FBXO28: variants seen among roughly 807,000 people sequenced by gnomAD.
The protein encoded by FBXO28 is F-box only protein 28.
Under a neutral mutation model 38.1 loss-of-function variants are expected in FBXO28, and 8 were observed. That is an observed-to-expected ratio of 0.21 (90% CI 0.12 to 0.38). The LOEUF is 0.38. Ranked by LOEUF, FBXO28 falls within the 10% of genes least tolerant of loss-of-function variation. The pLI, the probability that FBXO28 is intolerant of heterozygous loss-of-function variation, is 1.00. For missense variants in FBXO28, 345 were observed against 460.6 expected (o/e 0.75, Z 2.30); for synonymous variants, 168 against 173.8 (o/e 0.97, Z 0.26).
rs1211722417 is a variant in FBXO28 at position 224,158,418 on chromosome 1, A to C, written c.*672A>C. On this transcript the variant is annotated 3_prime_UTR_variant, in exon 5 of 5. Coordinates refer to ENST00000366862, the MANE Select transcript of FBXO28 (RefSeq NM_015176.4). ...GTCCTACATTTGCATGGATGGATGCATGCATTGCCTAGTCAACTCACTTAA... is the reference window on the plus strand; with the variant it reads ...GTCCTACATTTGCATGGATGGATGCCTGCATTGCCTAGTCAACTCACTTAA... 1 of 166,450 alleles carries C rather than the reference A, an allele frequency of 6.0e-6. No individual in the cohort carries two copies. Among genetic ancestry groups the C allele is most frequent in the African/African-American group, 2.4e-5 (1 of 41,688 alleles). 10.3% of individuals were successfully genotyped at this position (166,450 alleles called of 1,614,324 possible). A position where few individuals can be genotyped will look rare whatever the true frequency, so the allele number is the denominator to read the frequency against.
At chr1:224,125,642 C>T (rs949293998) in intron 1 of FBXO28, among the ~76,000 whole-genome samples, 2 of 140,718 alleles carry the variant, frequency 1.4e-5, no homozygotes, top group South Asian at 2.2e-4. Context: ...TACTCATTCT[C>T]TTTTTTTTTT....
At chr1:224,124,810 A>T (rs1012334398) in intron 1 of FBXO28, among the ~76,000 whole-genome samples, 3 of 151,956 alleles carry the variant, frequency 2.0e-5, no homozygotes, top group African/African-American at 4.8e-5. Flanking sequence ...GCTCACTGCA[A>T]CCTTCACCTC....
intron 3 of FBXO28, among the ~76,000 whole-genome samples, chr1:224,139,196 T>A (rs770772733): frequency 1.3e-5 from 2 of 151,818 alleles, no homozygotes; most frequent in Admixed American, 6.6e-5. Flanking sequence ...CATAAGGCCA[T>A]GAAGCTATAT....
chr1:224,121,951 T>G (rs1035491363), intron 1 of FBXO28, among the ~76,000 whole-genome samples: 2 of 152,128 alleles, frequency 1.3e-5, no homozygotes, highest in African/African-American at 4.8e-5. Flanking sequence ...AATGTTTGTA[T>G]TTTTGGTAGA....
intron 3 of FBXO28, among the ~76,000 whole-genome samples, chr1:224,139,938 T>C (rs1657305304): frequency 6.6e-6 from 1 of 151,502 alleles, no homozygotes; most frequent in African/African-American, 2.4e-5. Context: ...AAAAAAAAAA[T>C]TAATTAGCTG....
At position 224,148,963 on chromosome 1, in the gene FBXO28, T is replaced by C. The variant is rs61826375; in HGVS notation, c.517-4179T>C. Among the ~76,000 whole-genome samples, 434 of 152,348 alleles carry C rather than the reference T, an allele frequency of 2.8e-3. 1 individual carries two copies. Among genetic ancestry groups the C allele is most frequent in the Non-Finnish European group, 5.1e-3 (350 of 68,026 alleles). On this transcript the variant is annotated intron_variant, in intron 3 of 4. Transcript: ENST00000366862. ...CTTATACATTGAACTTATTACAGTC[T>C]GAGTTTTGCTTTGCTGTTTATGGGT...
At chr1:224,131,512 T>G (rs901372693) in intron 2 of FBXO28, among the ~76,000 whole-genome samples, 1 of 152,208 alleles carries the variant, frequency 6.6e-6, no homozygotes, top group African/African-American at 2.4e-5. Context: ...GTCTGGATAA[T>G]AAACCTTATA....
At chr1:224,137,853 C>T (rs1220800234) in intron 3 of FBXO28, among the ~76,000 whole-genome samples, 1 of 151,764 alleles carries the variant, frequency 6.6e-6, no homozygotes, top group African/African-American at 2.4e-5. Context: ...TAGATCATTG[C>T]CCTTCTACTC....
intron 3 of FBXO28, among the ~76,000 whole-genome samples, chr1:224,144,462 A>C (rs1401549928): frequency 6.6e-6 from 1 of 151,906 alleles, no homozygotes; most frequent in Admixed American, 6.6e-5. Context: ...ACCCTGTCTC[A>C]AAAAAAAACA....
At chr1:224,135,821 G>A (rs1657169386) in intron 3 of FBXO28, among the ~76,000 whole-genome samples, 1 of 151,952 alleles carries the variant, frequency 6.6e-6, no homozygotes, top group Non-Finnish European at 1.5e-5. Context: ...CAGATCACAA[G>A]GTCAGGAGAT....
intron 1 of FBXO28, among the ~76,000 whole-genome samples, chr1:224,117,165 A>ATTTTTTTTTTTTT (rs71168310): frequency 1.6e-5 from 2 of 122,192 alleles, no homozygotes; most frequent in African/African-American, 3.3e-5. Context: ...AATAAATTGG[A>ATTTTTTTTTTTTT]TTTTTTTTTT....
intron 4 of FBXO28, among the ~76,000 whole-genome samples, chr1:224,157,074 C>T (rs1403637645): frequency 2.6e-5 from 4 of 151,766 alleles, no homozygotes; most frequent in South Asian, 2.1e-4. Flanking sequence ...AAATATTGTA[C>T]AGTATTTTAA....
At position 224,114,274 on chromosome 1, in the gene FBXO28, C is replaced by T. The variant is rs1656588607; in HGVS notation, c.145C>T (p.Pro49Ser). 6.4e-7 allele frequency: 1 copy of T among 1,556,662 alleles called. No individual in the cohort carries two copies. Among genetic ancestry groups the T allele is most frequent in the East Asian group, 2.4e-5 (1 of 41,730 alleles). The stretch of plus-strand genomic sequence containing the variant: ...CCCGCAGCCGGGGTCCCAGGCGCTC[C>T]CAGCCCCCGCGCTGGCTCCGGACCA... ...QHPQPGSQALPAPALAPDQLP... is the reference protein window; with the variant it reads ...QHPQPGSQALSAPALAPDQLP... The change falls in exon 1 of 5, where the codon CCA (proline) becomes TCA (serine). Residue 49 changes from proline (P) to serine (S), a missense_variant. By Grantham distance (74) the Pro-to-Ser change is moderately conservative. This residue lies in a region of FBXO28 where 104 missense variants were observed against 82.0 expected (regional missense o/e 1.27). Coordinates refer to ENST00000366862, the MANE Select transcript of FBXO28 (RefSeq NM_015176.4).
rs575980898 is a variant in FBXO28 at position 224,121,378 on chromosome 1, T to C, written c.267+6982T>C. Among the ~76,000 whole-genome samples, 8 of 152,350 alleles carry C rather than the reference T, an allele frequency of 5.3e-5. No individual in the cohort carries two copies. In the South Asian group the frequency reaches 1.4e-3, roughly 28 times the overall value. ...TTTCCAAGTGAATATCTAGGGTATATACGCAGAGAATCTAAAATTTGTTGT... is the reference window on the plus strand; with the variant it reads ...TTTCCAAGTGAATATCTAGGGTATACACGCAGAGAATCTAAAATTTGTTGT... On this transcript the variant is annotated intron_variant, in intron 1 of 4. Transcript: ENST00000366862.
At position 224,157,358 on chromosome 1, in the gene FBXO28, G is replaced by A; in HGVS notation, c.719G>A (p.Gly240Glu). The A allele has an allele frequency of 6.2e-7, 1 of 1,604,630 alleles. No homozygotes were observed. Among genetic ancestry groups the A allele is most frequent in the Non-Finnish European group, 8.5e-7 (1 of 1,174,912 alleles). ...TTGAATTATTCCTCCACAGTTCCAG[G>A]ACCGTCTGCAGCCCTAACAACAATG... ...GRLMGSPPVP[G>E]PSAALTTMQL... The change falls in exon 5 of 5, where the codon GGA becomes GAA. Residue 240 changes from glycine to glutamate, a missense_variant. Gly to Glu is a moderately conservative substitution (Grantham distance 98). This residue lies in a region of FBXO28 where 151 missense variants were observed against 188.3 expected (regional missense o/e 0.80). Transcript: ENST00000366862.
chr1:224,124,821 A>G (rs1456829471), intron 1 of FBXO28, among the ~76,000 whole-genome samples: 2 of 152,158 alleles, frequency 1.3e-5, no homozygotes, highest in East Asian at 1.9e-4. Context: ...CCTTCACCTC[A>G]GGTTCAAGCG....
At chr1:224,127,164 T>G (rs114242959) in intron 1 of FBXO28, among the ~76,000 whole-genome samples, 105 of 88,550 alleles carry the variant, frequency 1.2e-3, no homozygotes, top group African/African-American at 4.0e-3. Context: ...TGTAAAGTAT[T>G]TGTGTGTGTG....
At position 224,143,440 on chromosome 1, in the gene FBXO28, C is replaced by T. The variant is rs74587133; in HGVS notation, c.516+9228C>T. On this transcript the variant is annotated intron_variant, in intron 3 of 4. Transcript: ENST00000366862. ...AGGGTGCCCTGCAGTGAGATGGCAT[C>T]CTGGCCAGGGTGGATAACGACCTGG... Among the ~76,000 whole-genome samples, 285 of 152,176 alleles carry T rather than the reference C, an allele frequency of 1.9e-3. 1 individual carries two copies. Among genetic ancestry groups the T allele is most frequent in the Non-Finnish European group, 3.2e-3 (218 of 67,998 alleles).
At chr1:224,141,390 G>A (rs1053020187) in intron 3 of FBXO28, among the ~76,000 whole-genome samples, 1 of 151,234 alleles carries the variant, frequency 6.6e-6, no homozygotes, top group African/African-American at 2.4e-5. Flanking sequence ...AGAATGGTGT[G>A]AACCCGGGAG....
Sources: gnomAD v4.1 joint callset for allele counts (sites outside exome capture counted in the v4.1 genomes callset) on GRCh38, gnomAD v4.1.1 for gene constraint, gnomAD v4.1.1 regional missense constraint, MANE v1.5 for transcripts, NCBI Gene and HGNC (gene_info 2026-07-23, HGNC 2026-07-21) for gene names.